Variants in AUTS2 observed in about 807,000 individuals in gnomAD.
AUTS2 encodes activator of transcription and developmental regulator AUTS2.
A neutral mutation model predicts 112.4 loss-of-function variants in AUTS2; 17 were observed. That is an observed-to-expected ratio of 0.15 (90% confidence interval 0.10 to 0.23). AUTS2 has a LOEUF of 0.23. Ranked by LOEUF, AUTS2 falls within the 10% of genes least tolerant of loss-of-function variation. The probability of loss-of-function intolerance (pLI) is 1.00; values close to 1 mark genes in which losing one functional copy is unlikely to be tolerated. For missense variants in AUTS2, 1,510 were observed against 1,701.6 expected (o/e 0.89, Z 1.98); for synonymous variants, 751 against 702.7 (o/e 1.07, Z -1.09).
Position 70,030,354 on chromosome 7 carries a change from T to A in AUTS2, c.523-87778T>A, listed in dbSNP as rs908962845. Among the ~76,000 whole-genome samples the A allele has an allele frequency of 5.9e-5, 9 of 152,184 alleles. 1 individual carries two copies. Among genetic ancestry groups the A allele is most frequent in the Admixed American group, 6.6e-5 (1 of 15,264 alleles). ...AATGTCACATTTGACAGGTGTGAGGTTTCTTTGTTAAAGCTCAGACTTATT... is the reference window on the plus strand; with the variant it reads ...AATGTCACATTTGACAGGTGTGAGGATTCTTTGTTAAAGCTCAGACTTATT... On this transcript the variant is annotated intron_variant, in intron 2 of 18. Coordinates refer to ENST00000342771, the MANE Select transcript of AUTS2 (RefSeq NM_015570.4).
intron 1 of AUTS2, among the ~76,000 whole-genome samples, chr7:69,645,427 A>G (rs2851500): frequency 0.71 from 108,320 of 152,028 alleles, 38,653 homozygotes; most frequent in East Asian, 0.78. Flanking sequence ...CATCCCTTTC[A>G]TTTTACAGGT....
rs148153962 is a variant in AUTS2 at position 69,657,224 on chromosome 7, G to A, written c.309+57262G>A. Reference sequence around the variant, plus strand: ...AGGTAGTTAAGATAAATCTGCCTAAGCATCTCCAAATGCAGATAAAACCTA... The same window carrying A: ...AGGTAGTTAAGATAAATCTGCCTAAACATCTCCAAATGCAGATAAAACCTA... On this transcript the variant is annotated intron_variant, in intron 1 of 18. Transcript: ENST00000342771. Among the ~76,000 whole-genome samples, 144 of 152,286 alleles carry A rather than the reference G, an allele frequency of 9.5e-4. 1 individual carries two copies. Among genetic ancestry groups the A allele is most frequent in the South Asian group, 3.1e-3 (15 of 4,828 alleles).
In AUTS2 at chr7:70,766,214, G is replaced by A. The variant is rs1389463896; in HGVS notation, c.1569G>A (p.Glu523=). ...GCCCTCCGCCCTACCTGCGGACCGA[G>A]TTCCATCAGCACCAGCACCAGCACC... is the stretch of plus-strand genomic sequence containing the variant. ...SLGPPPYLRT[E]FHQHQHQHQH... The change falls in exon 9 of 19, where the codon GAG becomes GAA. Residue 523 remains glutamate (E), a synonymous_variant. Transcript: ENST00000342771. The surrounding 1 kb of genome is among the most constrained non-coding windows in gnomAD (Gnocchi z 4.8). 4.3e-6 allele frequency: 7 copies of A among 1,614,124 alleles called. No homozygotes were observed. The African/African-American group carries it at 6.7e-5, about 15-fold the overall frequency.
chr7:69,755,580 C>T (rs1205363018), intron 1 of AUTS2, among the ~76,000 whole-genome samples: 2 of 152,110 alleles, frequency 1.3e-5, no homozygotes, highest in Non-Finnish European at 2.9e-5. Flanking sequence ...CCTGGGAATA[C>T]TTGAGGTGTC....
At chr7:69,789,773 G>T (rs1227153035) in intron 1 of AUTS2, among the ~76,000 whole-genome samples, 4 of 152,010 alleles carry the variant, frequency 2.6e-5, no homozygotes, top group African/African-American at 9.7e-5. Flanking sequence ...GTTGTCTTGG[G>T]GGGATGCCAG....
intron 5 of AUTS2, among the ~76,000 whole-genome samples, chr7:70,483,474 C>T (rs1363410913): frequency 1.3e-5 from 2 of 152,144 alleles, no homozygotes; most frequent in Non-Finnish European, 2.9e-5. Flanking sequence ...CTTCTGTTTC[C>T]CCCATTTGGT....
At chr7:69,774,488 A>G (rs1252671331) in intron 1 of AUTS2, among the ~76,000 whole-genome samples, 1 of 152,266 alleles carries the variant, frequency 6.6e-6, no homozygotes, top group Non-Finnish European at 1.5e-5. Context: ...GCGAATAGCC[A>G]GTAATGGATA....
In AUTS2 at chr7:70,139,234, T is replaced by C. The variant is rs140021479; in HGVS notation, c.660+4663T>C. On this transcript the variant is annotated intron_variant, in intron 4 of 18. Coordinates refer to ENST00000342771, the MANE Select transcript of AUTS2 (RefSeq NM_015570.4). ...TACCCACCTTGGCCTCCCAAAGTGC[T>C]AAGATTACAGGCGTGAGCCACCATG... Among the ~76,000 whole-genome samples, 960 of 152,358 alleles carry C rather than the reference T, an allele frequency of 6.3e-3. 10 individuals are homozygous for C. Among genetic ancestry groups the C allele is most frequent in the African/African-American group, 0.022 (914 of 41,584 alleles).
chr7:70,598,118 C>T (rs756030661), intron 5 of AUTS2, among the ~76,000 whole-genome samples: 6 of 152,156 alleles, frequency 3.9e-5, no homozygotes, highest in Admixed American at 2.0e-4. Context: ...TGTATGTGTG[C>T]CTCCCAGTCT....
chr7:70,659,311 T>A (rs1044400610), intron 5 of AUTS2, among the ~76,000 whole-genome samples: 7 of 152,204 alleles, frequency 4.6e-5, no homozygotes, highest in African/African-American at 1.7e-4. Context: ...ATACTAAACC[T>A]GGGCCCTGCT....
intron 4 of AUTS2, among the ~76,000 whole-genome samples, chr7:70,181,493 C>A: frequency 7.1e-6 from 1 of 141,010 alleles, no homozygotes; most frequent in East Asian, 2.0e-4. Context: ...TTTTTTTTTT[C>A]TTTTTTTTTT....
At chr7:69,657,106 G>GCTCCCGGCTCCTTCAGCTTTC (rs1320236654) in intron 1 of AUTS2, among the ~76,000 whole-genome samples, 1 of 152,172 alleles carries the variant, frequency 6.6e-6, no homozygotes, top group Non-Finnish European at 1.5e-5. Flanking sequence ...TGTCAGCTTG[G>GCTCCCGGCTCCTTCAGCTTTC]CTCCCGGCTC....
chr7:70,390,777 C>G (rs73173593), intron 4 of AUTS2, among the ~76,000 whole-genome samples: 3,965 of 152,224 alleles, frequency 0.026, 70 homozygotes, highest in South Asian at 0.079. Context: ...GTCAGATACT[C>G]TGCTTTATTC....
intron 2 of AUTS2, among the ~76,000 whole-genome samples, chr7:69,956,859 G>GTTTTAT (rs1185875135): frequency 1.3e-5 from 2 of 151,870 alleles, no homozygotes; most frequent in Non-Finnish European, 2.9e-5. Context: ...AGAACAAGTG[G>GTTTTAT]TTTTATTTTT....
At chr7:70,492,125 G>A (rs536004682) in intron 5 of AUTS2, among the ~76,000 whole-genome samples, 1 of 152,240 alleles carries the variant, frequency 6.6e-6, no homozygotes, top group East Asian at 1.9e-4. Context: ...ACTGCCTGCA[G>A]GCAGCCTGGC....
intron 2 of AUTS2, among the ~76,000 whole-genome samples, chr7:69,931,332 C>G (rs1172587521): frequency 6.6e-6 from 1 of 152,206 alleles, no homozygotes; most frequent in African/African-American, 2.4e-5. Context: ...TGCATAGAAT[C>G]TCTGCATTAT....
intron 1 of AUTS2, among the ~76,000 whole-genome samples, chr7:69,762,172 C>A (rs1406009217): frequency 6.6e-6 from 1 of 151,742 alleles, no homozygotes; most frequent in East Asian, 1.9e-4. Context: ...CCTGATTTCT[C>A]TGGGCCTGAG....
At chr7:70,115,763 A>C (rs1323064163) in intron 2 of AUTS2, among the ~76,000 whole-genome samples, 3 of 152,256 alleles carry the variant, frequency 2.0e-5, no homozygotes, top group Non-Finnish European at 4.4e-5. Context: ...CTTTATTATC[A>C]GTATAACTAT....
chr7:70,064,941 T>G, intron 2 of AUTS2, among the ~76,000 whole-genome samples: 1 of 152,204 alleles, frequency 6.6e-6, no homozygotes, highest in East Asian at 1.9e-4. Context: ...AACCTGGGGA[T>G]TATTACATGC....
Sources: allele counts gnomAD v4.1 joint callset (sites outside exome capture counted in the v4.1 genomes callset), GRCh38; gene constraint gnomAD v4.1.1; non-coding constraint Gnocchi (gnomAD v3.1); transcripts MANE v1.5; gene names NCBI Gene and HGNC (gene_info 2026-07-23, HGNC 2026-07-21).